Variants in ZFP69B observed in about 807,000 individuals in gnomAD.
The protein encoded by ZFP69B is ZFP69 zinc finger protein B, also known as zinc finger protein 69 homolog B.
ZFP69B carries 20 observed loss-of-function variants against 19.7 expected under a neutral mutation model. The ratio of observed to expected loss-of-function variants is 1.02; its 90% CI spans 0.71 to 1.48. The LOEUF is 1.48. Ranked by LOEUF, ZFP69B falls within the 40% of genes most tolerant of loss-of-function variation. ZFP69B has a pLI of 0.00. For synonymous variants in ZFP69B, 220 were observed against 222.7 expected, an observed-to-expected ratio of 0.99 and a Z score of 0.11; for missense variants, 583 against 632.6, an observed-to-expected ratio of 0.92 and a Z score of 0.84.
Position 40,463,679 on chromosome 1 carries a change from T to G in ZFP69B, c.*90T>G. 2 of 1,282,504 alleles carry G rather than the reference T, an allele frequency of 1.6e-6. No homozygotes were observed. Among genetic ancestry groups the G allele is most frequent in the Non-Finnish European group, 2.1e-6 (2 of 944,996 alleles). The allele number at this position is 1,282,504 out of a possible 1,614,324, so 79.4% of individuals were successfully genotyped here. A position where few individuals can be genotyped will look rare whatever the true frequency, so the allele number is the denominator to read the frequency against. Reference sequence around the variant, plus strand: ...CCTCAAAAATCCATTTGTTTTTGGATTTCCAAAAACGAACATTAAAAAAAA... The same window carrying G: ...CCTCAAAAATCCATTTGTTTTTGGAGTTCCAAAAACGAACATTAAAAAAAA... On this transcript the variant is annotated 3_prime_UTR_variant, in exon 5 of 5. Transcript: ENST00000361584.
intron 4 of ZFP69B, among the ~76,000 whole-genome samples, chr1:40,461,821 T>C (rs191168555): frequency 4.2e-4 from 64 of 152,242 alleles, no homozygotes; most frequent in African/African-American, 1.4e-3. Flanking sequence ...TTCCTTGATA[T>C]TATCTTCTGA....
At position 40,463,683 on chromosome 1, in the gene ZFP69B, C is replaced by A; in HGVS notation, c.*94C>A. 3.4e-6 allele frequency: 4 copies of A among 1,185,166 alleles called. No homozygotes were observed. The highest frequency in any genetic ancestry group is 4.6e-6 in the Non-Finnish European group (4 of 860,988). The allele number at this position is 1,185,166 out of a possible 1,614,324, so 73.4% of individuals were successfully genotyped here. A position where few individuals can be genotyped will look rare whatever the true frequency, so the allele number is the denominator to read the frequency against. Reference sequence around the variant, plus strand: ...AAAAATCCATTTGTTTTTGGATTTCCAAAAACGAACATTAAAAAAAAATGG... The same window carrying A: ...AAAAATCCATTTGTTTTTGGATTTCAAAAAACGAACATTAAAAAAAAATGG... On this transcript the variant is annotated 3_prime_UTR_variant, in exon 5 of 5. Coordinates refer to ENST00000361584, the MANE Select transcript of ZFP69B (RefSeq NM_023070.3).
chr1:40,462,248 T>A (rs1048382373), intron 4 of ZFP69B, among the ~76,000 whole-genome samples, 173 bp from the exon 5 acceptor site: 1 of 152,170 alleles, frequency 6.6e-6, no homozygotes, highest in Non-Finnish European at 1.5e-5. Flanking sequence ...CAGCTTCTTT[T>A]CTCTACTTCT....
Position 40,456,868 on chromosome 1 carries a change from G to GA in ZFP69B, c.214-75dup. The GA allele has an allele frequency of 2.6e-6, 4 of 1,546,304 alleles. No individual in the cohort carries two copies. The South Asian group carries it at 4.8e-5, about 19-fold the overall frequency. On this transcript the variant is annotated intron_variant, in intron 2 of 4. Transcript: ENST00000361584. ...GACAGTATCCAGGAAAACTTGACTA[G>GA]AATCTCTTAGCATCTAGACAAAAGT...
chr1:40,456,541 G>A (rs752830368), intron 2 of ZFP69B, among the ~76,000 whole-genome samples: 3 of 152,090 alleles, frequency 2.0e-5, no homozygotes, highest in Non-Finnish European at 2.9e-5. Context: ...CTAGGTAAAC[G>A]TTATTTTACC....
At position 40,462,677 on chromosome 1, in the gene ZFP69B, A is replaced by G; in HGVS notation, c.693A>G (p.Arg231=). 1 of 1,614,136 alleles carries G rather than the reference A, an allele frequency of 6.2e-7. No individual in the cohort carries two copies. The change falls in exon 5 of 5, where the codon AGA becomes AGG. Residue 231 remains arginine, a synonymous_variant. Transcript: ENST00000361584. ...AAGAGTCTAATAGATTTGAGAAAAG[A>G]ATTAATGTGAAGTCAGAAGTTATGC... The part of the protein sequence containing the change: ...RGQESNRFEK[R]INVKSEVMPG...
At chr1:40,458,419 C>T (rs1003184198) in intron 4 of ZFP69B, among the ~76,000 whole-genome samples, 6 of 151,992 alleles carry the variant, frequency 3.9e-5, no homozygotes, top group African/African-American at 9.7e-5. Context: ...TGTAATAAAT[C>T]GACTCCAAAA....
At position 40,454,291 on chromosome 1, in the gene ZFP69B, G is replaced by T; in HGVS notation, c.213+3G>T. ...GATCCCTGACAGCAGAATCCCAGGT[G>T]GGTTGGAGTTTCTGGTCACTTTCTT... On this transcript the variant is annotated splice_donor_region_variant and intron_variant, in intron 2 of 4. Transcript: ENST00000361584. 6.4e-7 allele frequency: 1 copy of T among 1,566,682 alleles called. No homozygotes were observed. The highest frequency in any genetic ancestry group is 8.7e-7 in the Non-Finnish European group (1 of 1,154,148).
At chr1:40,455,760 C>T (rs2124416867) in intron 2 of ZFP69B, among the ~76,000 whole-genome samples, 1 of 152,254 alleles carries the variant, frequency 6.6e-6, no homozygotes, top group Non-Finnish European at 1.5e-5. Flanking sequence ...CTCCCCTAGC[C>T]CCCATCCCCT....
intron 4 of ZFP69B, among the ~76,000 whole-genome samples, chr1:40,460,782 A>G (rs1645275110): frequency 6.6e-6 from 1 of 152,080 alleles, no homozygotes. Flanking sequence ...AGAGATCGAG[A>G]CCATCCTGGC....
chr1:40,463,376 C>G lies in ZFP69B; in HGVS notation c.1392C>G (p.Ile464Met). 6.2e-7 allele frequency: 1 copy of G among 1,613,950 alleles called. No homozygotes were observed. The highest frequency in any genetic ancestry group is 8.5e-7 in the Non-Finnish European group (1 of 1,179,960). Residue 464 changes from isoleucine (I) to methionine (M), a missense_variant, in exon 5 of 5, where the codon ATC becomes ATG. Physicochemically the swap from Ile to Met is conservative, Grantham distance 10. Coordinates refer to ENST00000361584, the MANE Select transcript of ZFP69B (RefSeq NM_023070.3). ...TTAGCCAGAGAATACATCTTTCTAT[C>G]CATCAGAGAGTCCATACTGGAGTAA... ...KAFSQRIHLSIHQRVHTGVKP... is the reference protein window; with the variant it reads ...KAFSQRIHLSMHQRVHTGVKP...
At chr1:40,460,425 G>A (rs1375316719) in intron 4 of ZFP69B, among the ~76,000 whole-genome samples, 2 of 152,096 alleles carry the variant, frequency 1.3e-5, no homozygotes, top group African/African-American at 2.4e-5. Context: ...TTGAGTCGAG[G>A]AGTTGGAAAC....
chr1:40,459,795 C>G (rs532235472), intron 4 of ZFP69B, among the ~76,000 whole-genome samples: 2 of 152,096 alleles, frequency 1.3e-5, no homozygotes, highest in East Asian at 3.9e-4. Flanking sequence ...TAAGCTGACT[C>G]CAAAATTTAT....
At chr1:40,457,171 G>A in intron 3 of ZFP69B, 100 bp downstream of exon 3, 2 of 1,570,958 alleles carry the variant, frequency 1.3e-6, no homozygotes. Flanking sequence ...CTGTATTAGA[G>A]GTTTTGTGTT....
rs541019139 is a variant in ZFP69B at position 40,458,887 on chromosome 1, T to C, written c.436+1448T>C. Among the ~76,000 whole-genome samples, 509 of 152,320 alleles carry C rather than the reference T, an allele frequency of 3.3e-3. 3 individuals are homozygous for C. The highest frequency in any genetic ancestry group is 5.3e-3 in the Non-Finnish European group (358 of 68,024). On this transcript the variant is annotated intron_variant, in intron 4 of 4. Coordinates refer to ENST00000361584, the MANE Select transcript of ZFP69B (RefSeq NM_023070.3). ...GGTGATTCAGAAAGATTCTTCTGCC[T>C]TGTGGCTCCTCTATCCACTAGGGTT...
chr1:40,457,948 T>C (rs1645249211), intron 4 of ZFP69B, among the ~76,000 whole-genome samples: 1 of 152,228 alleles, frequency 6.6e-6, no homozygotes, highest in African/African-American at 2.4e-5. Flanking sequence ...AATTTATGGC[T>C]CTTTGAGAAA....
intron 4 of ZFP69B, among the ~76,000 whole-genome samples, chr1:40,458,510 TTG>T (rs1288909414): frequency 7.2e-6 from 1 of 138,532 alleles, no homozygotes; most frequent in African/African-American, 3.2e-5. Flanking sequence ...TCTGGAGAAA[TTG>T]TTTTTTTTTT....
Position 40,451,044 on chromosome 1 carries a change from G to T in ZFP69B, c.83G>T (p.Arg28Leu), listed in dbSNP as rs771864147. Residue 28 changes from arginine to leucine, a missense_variant, in exon 1 of 5, where the codon CGG (arginine) becomes CTG (leucine). Arg to Leu is a moderately radical substitution (Grantham distance 102, BLOSUM62 -2). Transcript: ENST00000361584. Reference protein sequence around the residue: ...KLRHPKAATERVALWEDVTKM... With the variant: ...KLRHPKAATELVALWEDVTKM... ...CGTCATCCAAAGGCGGCCACGGAGC[G>T]GGTGGCCCTGTGGGAGGATGTGACT... 1 of 1,550,074 alleles carries T rather than the reference G, an allele frequency of 6.5e-7. No homozygotes were observed. Among genetic ancestry groups the T allele is most frequent in the Non-Finnish European group, 8.7e-7 (1 of 1,146,394 alleles).
chr1:40,453,841 C>T (rs1255242109), intron 1 of ZFP69B, among the ~76,000 whole-genome samples: 1 of 151,072 alleles, frequency 6.6e-6, no homozygotes, highest in African/African-American at 2.4e-5. Context: ...CACTGCCCTC[C>T]AACCTGGGTG....
Sources: gnomAD v4.1 joint callset for allele counts (sites outside exome capture counted in the v4.1 genomes callset) on GRCh38, gnomAD v4.1.1 for gene constraint, MANE v1.5 for transcripts, NCBI Gene and HGNC (gene_info 2026-07-23, HGNC 2026-07-21) for gene names.